DAP: variants seen among roughly 807,000 people sequenced by gnomAD.
The protein encoded by DAP is death associated protein.
In DAP, 8 loss-of-function variants were observed where a neutral mutation model predicts 13.8. The ratio of observed to expected loss-of-function variants is 0.58; its 90% CI spans 0.34 to 1.05. DAP has a LOEUF of 1.05. Among genes scored for constraint, DAP ranks in the 50% least tolerant of loss-of-function variants. The pLI, the probability that DAP is intolerant of heterozygous loss-of-function variation, is 0.03. For synonymous variants in DAP, 47 were observed against 47.5 expected, an observed-to-expected ratio of 0.99 and a Z score of 0.04; for missense variants, 106 against 133.2, an observed-to-expected ratio of 0.80 and a Z score of 1.01.
intron 2 of DAP, among the ~76,000 whole-genome samples, chr5:10,702,344 C>G (rs1738599667): frequency 6.6e-6 from 1 of 152,160 alleles, no homozygotes; most frequent in African/African-American, 2.4e-5. Context: ...ATGAGTAACT[C>G]TCATGCCCTG....
intron 2 of DAP, among the ~76,000 whole-genome samples, chr5:10,688,390 A>G (rs1203253616): frequency 6.6e-6 from 1 of 150,732 alleles, no homozygotes; most frequent in East Asian, 1.9e-4. Context: ...TAAAATTTTA[A>G]ATTAAGTTAT....
intron 2 of DAP, among the ~76,000 whole-genome samples, chr5:10,700,167 T>G (rs560907340): frequency 6.6e-6 from 1 of 152,200 alleles, no homozygotes; most frequent in African/African-American, 2.4e-5. Context: ...CAGAGGGGAA[T>G]TGATGTGTAG....
At chr5:10,751,745 C>T (rs768595056) in intron 1 of DAP, among the ~76,000 whole-genome samples, 12 of 152,060 alleles carry the variant, frequency 7.9e-5, no homozygotes, top group African/African-American at 2.4e-4. Flanking sequence ...AAAGAGACAC[C>T]GGGTCGTGCA....
chr5:10,683,328 G>GGT, intron 3 of DAP: 1 of 669,370 alleles, frequency 1.5e-6, no homozygotes, highest in East Asian at 2.7e-5. Flanking sequence ...GCTCTGGAAA[G>GGT]GTAAAGGATG....
rs1579803658 is a variant in DAP at position 10,720,219 on chromosome 5, C to T, written c.152+27956G>A. Among the ~76,000 whole-genome samples the T allele has an allele frequency of 2.0e-5, 3 of 152,314 alleles. No homozygotes were observed. The South Asian group carries it at 6.2e-4, about 32-fold the overall frequency. On this transcript the variant is annotated intron_variant, in intron 2 of 3. Coordinates refer to ENST00000230895, the MANE Select transcript of DAP (RefSeq NM_004394.3). ...GCATTTGAGCCACTTCCTCATGTAA[C>T]TTACTTGTGCCTTCAGGACTTCCTC...
intron 1 of DAP, among the ~76,000 whole-genome samples, chr5:10,758,340 G>A (rs942203974): frequency 1.5e-4 from 22 of 151,384 alleles, no homozygotes; most frequent in Admixed American, 7.9e-4. Flanking sequence ...CTAGGAAAGC[G>A]CATTTGAGGG....
At chr5:10,725,035 A>G (rs2126661929) in intron 2 of DAP, among the ~76,000 whole-genome samples, 1 of 152,306 alleles carries the variant, frequency 6.6e-6, no homozygotes, top group African/African-American at 2.4e-5. Context: ...AAGGCTGGGA[A>G]AGGGCTGCAT....
At chr5:10,754,120 G>A (rs1740116992) in intron 1 of DAP, among the ~76,000 whole-genome samples, 1 of 152,214 alleles carries the variant, frequency 6.6e-6, no homozygotes, top group Non-Finnish European at 1.5e-5. Context: ...TCACTGGCAA[G>A]TGGAGACTCA....
At chr5:10,749,876 A>C (rs1450134061) in intron 1 of DAP, among the ~76,000 whole-genome samples, 2 of 151,590 alleles carry the variant, frequency 1.3e-5, no homozygotes, top group Non-Finnish European at 2.9e-5. Context: ...AGCCACCAGC[A>C]TGTGTTTGGG....
intron 2 of DAP, among the ~76,000 whole-genome samples, chr5:10,714,528 G>A (rs1035953099): frequency 6.6e-6 from 1 of 151,992 alleles, no homozygotes; most frequent in Non-Finnish European, 1.5e-5. Context: ...AAGAAAACAG[G>A]TAATACAAAT....
chr5:10,693,198 C>T (rs1738350097), intron 2 of DAP, among the ~76,000 whole-genome samples: 1 of 151,942 alleles, frequency 6.6e-6, no homozygotes, highest in Non-Finnish European at 1.5e-5. Flanking sequence ...AATCTCTGAT[C>T]CCACTGAAAG....
chr5:10,758,258 G>A (rs1579826864), intron 1 of DAP, among the ~76,000 whole-genome samples: 1 of 150,196 alleles, frequency 6.7e-6, no homozygotes, highest in East Asian at 1.9e-4. Flanking sequence ...CCTACTCTCT[G>A]GCAATGCCAG....
At chr5:10,701,642 C>T (rs1384862642) in intron 2 of DAP, among the ~76,000 whole-genome samples, 1 of 152,142 alleles carries the variant, frequency 6.6e-6, no homozygotes, top group African/African-American at 2.4e-5. Context: ...CAATCCCCTG[C>T]CATCTCGTCT....
At chr5:10,706,460 G>A (rs1195971507) in intron 2 of DAP, among the ~76,000 whole-genome samples, 1 of 152,212 alleles carries the variant, frequency 6.6e-6, no homozygotes, top group African/African-American at 2.4e-5. Flanking sequence ...GTGTGACACC[G>A]AAGCCTGGGC....
intron 2 of DAP, among the ~76,000 whole-genome samples, chr5:10,718,265 G>A (rs1739046710): frequency 6.6e-6 from 1 of 152,210 alleles, no homozygotes; most frequent in Admixed American, 6.5e-5. Context: ...CATTAACGGA[G>A]CTTTAGCTCA....
intron 2 of DAP, among the ~76,000 whole-genome samples, chr5:10,740,938 A>G (rs1293432788): frequency 6.6e-6 from 1 of 152,242 alleles, no homozygotes; most frequent in Non-Finnish European, 1.5e-5. Flanking sequence ...TAAAAACAAT[A>G]ACAATGTAAG....
chr5:10,697,490 C>A (rs1738464253), intron 2 of DAP, among the ~76,000 whole-genome samples: 1 of 152,180 alleles, frequency 6.6e-6, no homozygotes, highest in Non-Finnish European at 1.5e-5. Context: ...GTGCTGGTGA[C>A]TGCTTAATGC....
rs993381676 is a variant in DAP at position 10,689,817 on chromosome 5, C to T, written c.153-6246G>A. ...AGGGACTCACTCAGGATGGAAAGGC[C>T]GTGAACTTGCCCTTGTGCACACCCT... On this transcript the variant is annotated intron_variant, in intron 2 of 3. Transcript: ENST00000230895. 9.2e-5 allele frequency among the ~76,000 whole-genome samples: 14 copies of T among 152,082 alleles called. 1 individual carries two copies. Among genetic ancestry groups the T allele is most frequent in the African/African-American group, 3.1e-4 (13 of 41,380 alleles).
At chr5:10,689,584 A>AAATC (rs1435308510) in intron 2 of DAP, among the ~76,000 whole-genome samples, 2 of 152,212 alleles carry the variant, frequency 1.3e-5, no homozygotes, top group African/African-American at 4.8e-5. Flanking sequence ...ATGTCAATGA[A>AAATC]AATCATGCTA....
Sources: allele counts gnomAD v4.1 joint callset (sites outside exome capture counted in the v4.1 genomes callset), GRCh38; gene constraint gnomAD v4.1.1; transcripts MANE v1.5; gene names NCBI Gene and HGNC (gene_info 2026-07-23, HGNC 2026-07-21).